Variants in E2F4 observed in about 807,000 individuals in gnomAD.
E2F4 encodes the protein transcription factor E2F4.
In E2F4, 16 loss-of-function variants were observed where a neutral mutation model predicts 44.5. That is an observed-to-expected ratio of 0.36 (90% CI 0.24 to 0.55). The LOEUF is 0.55. E2F4 is among the 20% of genes least tolerant of loss of function. The pLI, the probability that E2F4 is intolerant of heterozygous loss-of-function variation, is 0.87. For synonymous variants in E2F4, 242 were observed against 207.2 expected, an observed-to-expected ratio of 1.17 and a Z score of -1.44; for missense variants, 473 against 522.1, an observed-to-expected ratio of 0.91 and a Z score of 0.92.
intron 4 of E2F4, 66 bp downstream of exon 4, chr16:67,193,581 T>C: frequency 6.5e-7 from 1 of 1,546,452 alleles, no homozygotes; most frequent in African/African-American, 1.4e-5. Flanking sequence ...AGCACTGGGC[T>C]CAGTGTCTTA....
rs768951112 is a variant in E2F4 at position 67,195,024 on chromosome 16, ATC to A, written c.808+48_808+49del. 591 of 1,585,744 alleles carry A rather than the reference ATC, an allele frequency of 3.7e-4. 1 individual carries two copies. Among genetic ancestry groups the A allele is most frequent in the Non-Finnish European group, 4.5e-4 (521 of 1,162,236 alleles). On this transcript the variant is annotated intron_variant, in intron 6 of 9. Coordinates refer to ENST00000379378, the MANE Select transcript of E2F4 (RefSeq NM_001950.4). ...TTGTGACAGAGGCCCAAGAGGTAGT[ATC>A]TCTGTGTTGTGGAACACCATGCTCA...
chr16:67,193,789 C>T (rs1054266977), intron 4 of E2F4, among the ~76,000 whole-genome samples: 2 of 151,016 alleles, frequency 1.3e-5, no homozygotes, highest in African/African-American at 5.0e-5. Context: ...ATGATAGAGG[C>T]ACAAGGGGGA....
In E2F4 at chr16:67,194,898, A is replaced by G; in HGVS notation, c.726A>G (p.Pro242=). The change falls in exon 6 of 10, where the codon CCA becomes CCG. Residue 242 remains proline, a synonymous_variant. Coordinates refer to ENST00000379378, the MANE Select transcript of E2F4 (RefSeq NM_001950.4). ...CCCAGTCCCAGGAAGCCTCACGTCC[A>G]AATAGTCCTCAGCTCACTCCCACTG... ...ALAQSQEASR[P]NSPQLTPTAV... The G allele has an allele frequency of 2.5e-6, 4 of 1,614,180 alleles. No homozygotes were observed. Among genetic ancestry groups the G allele is most frequent in the Non-Finnish European group, 3.4e-6 (4 of 1,180,030 alleles).
At chr16:67,194,618 G>A (rs1207196735) in intron 5 of E2F4, 68 bp from the exon 6 acceptor site, 18 of 1,582,170 alleles carry the variant, frequency 1.1e-5, no homozygotes, top group South Asian at 3.4e-5. Context: ...GTCCTGACCC[G>A]GAGTCGGGCA....
At chr16:67,197,714 T>C in intron 8 of E2F4, 68 bp downstream of exon 8, 1 of 1,604,298 alleles carries the variant, frequency 6.2e-7, no homozygotes, top group Non-Finnish European at 8.5e-7. Context: ...TATGGCTGTT[T>C]TCTTGCCCTT....
chr16:67,196,708 A>G (rs1348288215), intron 7 of E2F4, among the ~76,000 whole-genome samples: 2 of 152,080 alleles, frequency 1.3e-5, no homozygotes, highest in Non-Finnish European at 2.9e-5. Context: ...TGTACATCCA[A>G]TGGACACTTT....
At chr16:67,195,760 G>T (rs1293701543) in intron 6 of E2F4, 22 bp from the exon 7 acceptor site, 4 of 1,613,788 alleles carry the variant, frequency 2.5e-6, no homozygotes, top group Non-Finnish European at 3.4e-6. Context: ...TGTATGACTG[G>T]GTTTGGGGGC....
chr16:67,194,437 G>T lies in E2F4; in HGVS notation c.491G>T (p.Ser164Ile). The T allele has an allele frequency of 6.2e-7, 1 of 1,614,080 alleles. No individual in the cohort carries two copies. The highest frequency in any genetic ancestry group is 1.1e-5 in the South Asian group (1 of 91,090). Residue 164 changes from serine to isoleucine, a missense_variant, in exon 5 of 10, where the codon AGC becomes ATC. Ser to Ile is a moderately radical substitution (Grantham distance 142, BLOSUM62 -2). This residue lies in a region of E2F4 where 314 missense variants were observed against 315.6 expected (regional missense o/e 0.99). Coordinates refer to ENST00000379378, the MANE Select transcript of E2F4 (RefSeq NM_001950.4). Reference sequence around the variant, plus strand: ...GCCATCCGGGCCCCATCAGGCACCAGCCTGGAGGTGCCCATCCCAGAGGTG... The same window carrying T: ...GCCATCCGGGCCCCATCAGGCACCATCCTGGAGGTGCCCATCCCAGAGGTG... The part of the protein sequence containing the change: ...LLAIRAPSGT[S>I]LEVPIPEGLN...
chr16:67,193,764 T>C (rs1432134046), intron 4 of E2F4, among the ~76,000 whole-genome samples: 1 of 152,086 alleles, frequency 6.6e-6, no homozygotes, highest in Non-Finnish European at 1.5e-5. Context: ...GTTTCCTGGA[T>C]TTGGCTTCTT....
At chr16:67,196,049 TC>T (rs752626507) in intron 7 of E2F4, 43 bp downstream of exon 7, 312 of 1,610,998 alleles carry the variant, frequency 1.9e-4, no homozygotes, top group Non-Finnish European at 2.6e-4. Flanking sequence ...GAGTCTAGCC[TC>T]AGTCCAGTCC....
chr16:67,192,502 G>A (rs3730393), intron 1 of E2F4, 140 bp downstream of exon 1: 44,592 of 1,250,886 alleles, frequency 0.036, 937 homozygotes, highest in Middle Eastern at 0.077. Context: ...GAAGCCGGGG[G>A]ATGTTTCATT....
intron 4 of E2F4, 74 bp from the exon 5 acceptor site, chr16:67,194,324 C>G: frequency 6.5e-7 from 1 of 1,541,340 alleles, no homozygotes; most frequent in Non-Finnish European, 8.9e-7. Context: ...CTGCCTTGCT[C>G]CAAAAGGCAG....
intron 2 of E2F4, 53 bp downstream of exon 2, chr16:67,192,923 C>A: frequency 6.4e-7 from 1 of 1,573,048 alleles, no homozygotes; most frequent in Admixed American, 1.9e-5. Context: ...AAGTGTCGGG[C>A]GTGGGGTGGA....
In E2F4 at chr16:67,197,876, G is replaced by A. The variant is rs2032996967; in HGVS notation, c.1091G>A (p.Ser364Asn). 1.2e-6 allele frequency: 2 copies of A among 1,614,128 alleles called. No homozygotes were observed. The highest frequency in any genetic ancestry group is 1.7e-6 in the Non-Finnish European group (2 of 1,180,002). Residue 364 changes from serine to asparagine, a missense_variant, in exon 9 of 10, where the codon AGC (serine) becomes AAC (asparagine). By Grantham distance (46) the Ser-to-Asn change is conservative (BLOSUM62 1). Around this residue, in one of 3 missense-constraint regions of E2F4, gnomAD observed 314 missense variants for 315.6 expected, o/e 0.99. Coordinates refer to ENST00000379378, the MANE Select transcript of E2F4 (RefSeq NM_001950.4). ...CTCCCTCCATTCCCAGAGTGCATGA[G>A]CTCGGAGCTGCTGGAGGAGTTGATG... is the stretch of plus-strand genomic sequence containing the variant. ...EIFDPTRECM[S>N]SELLEELMSS...
At chr16:67,196,028 G>A (rs750280060) in intron 7 of E2F4, 22 bp downstream of exon 7, 11 of 1,612,760 alleles carry the variant, frequency 6.8e-6, no homozygotes, top group Non-Finnish European at 9.3e-6. Flanking sequence ...CCCCCTGGGG[G>A]CAGAGAGAGA....
intron 1 of E2F4, 97 bp from the exon 2 acceptor site, chr16:67,192,664 G>A (rs2032905829): frequency 1.7e-6 from 2 of 1,206,340 alleles, no homozygotes; most frequent in Non-Finnish European, 1.2e-6. Flanking sequence ...GGCACTACAG[G>A]GTTGGAATCC....
At chr16:67,194,516 C>T (rs1287173018) in intron 5 of E2F4, 57 bp downstream of exon 5, 1 of 1,606,222 alleles carries the variant, frequency 6.2e-7, no homozygotes, top group Admixed American at 1.7e-5. Flanking sequence ...GGCTGTGGAG[C>T]CTGATAAGTC....
At chr16:67,197,966 G>A (rs2032998742) in intron 9 of E2F4, 42 bp from the exon 10 acceptor site, 1 of 1,613,928 alleles carries the variant, frequency 6.2e-7, no homozygotes, top group Non-Finnish European at 8.5e-7. Context: ...GCTGCTGCTA[G>A]GGGAGCCCTG....
chr16:67,194,152 A>T (rs775042427), intron 4 of E2F4: 24 of 529,346 alleles, frequency 4.5e-5, no homozygotes, highest in Non-Finnish European at 3.0e-5. Context: ...TCGGTAGAGG[A>T]ATGAGGTGCC....
Sources: allele counts gnomAD v4.1 joint callset (sites outside exome capture counted in the v4.1 genomes callset), GRCh38; gene constraint gnomAD v4.1.1; regional missense constraint gnomAD v4.1.1; transcripts MANE v1.5; gene names NCBI Gene and HGNC (gene_info 2026-07-23, HGNC 2026-07-21).